UBE2E2: variants seen among roughly 807,000 people sequenced by gnomAD.
UBE2E2 encodes the protein ubiquitin conjugating enzyme E2 E2.
In UBE2E2, 6 loss-of-function variants were observed where a neutral mutation model predicts 24.7. That is an observed-to-expected ratio of 0.24 (90% CI 0.13 to 0.48). The LOEUF (loss-of-function observed/expected upper bound fraction) is 0.48, where lower values mean the gene tolerates loss of function less well. UBE2E2 is among the 20% of genes least tolerant of loss of function. The probability of loss-of-function intolerance (pLI) is 0.99; values close to 1 mark genes in which losing one functional copy is unlikely to be tolerated. For missense variants in UBE2E2, 169 were observed against 245.0 expected, an observed-to-expected ratio of 0.69 and a Z score of 2.07; for synonymous variants, 104 against 83.6, an observed-to-expected ratio of 1.24 and a Z score of -1.33.
intron 3 of UBE2E2, among the ~76,000 whole-genome samples, chr3:23,401,073 G>A (rs1474220644): frequency 6.6e-6 from 1 of 152,164 alleles, no homozygotes; most frequent in East Asian, 1.9e-4. Flanking sequence ...TTCTCAGATG[G>A]TTATATTTAA....
chr3:23,514,287 A>G (rs1008718613), intron 4 of UBE2E2, among the ~76,000 whole-genome samples: 3 of 152,166 alleles, frequency 2.0e-5, no homozygotes, highest in African/African-American at 7.2e-5. Context: ...CGTCAACCTG[A>G]TGGTTTCTTT....
intron 3 of UBE2E2, among the ~76,000 whole-genome samples, chr3:23,300,621 T>C (rs950395255): frequency 6.6e-6 from 1 of 152,252 alleles, no homozygotes; most frequent in Non-Finnish European, 1.5e-5. Flanking sequence ...CCCCACTGTC[T>C]TCTGGCTTGT....
intron 3 of UBE2E2, among the ~76,000 whole-genome samples, chr3:23,405,939 TTCCATTGAGTTTCCCATAA>T (rs1279470847): frequency 1.3e-5 from 2 of 152,186 alleles, no homozygotes; most frequent in Admixed American, 1.3e-4. Context: ...GAATTGACTT[TTCCATTGAGTTTCCCATAA>T]CTAGGGCCAA....
intron 3 of UBE2E2, among the ~76,000 whole-genome samples, chr3:23,436,099 G>T (rs564611089): frequency 4.6e-5 from 7 of 152,198 alleles, no homozygotes; most frequent in Non-Finnish European, 7.4e-5. Context: ...CTCCCCAGCC[G>T]CTCACCTCCT....
At chr3:23,500,262 C>CT (rs1699692439) in intron 4 of UBE2E2, among the ~76,000 whole-genome samples, 1 of 152,110 alleles carries the variant, frequency 6.6e-6, no homozygotes. Flanking sequence ...CCCACAGAGA[C>CT]TTAAAAGTTG....
At chr3:23,289,028 A>T (rs1314145188) in intron 3 of UBE2E2, among the ~76,000 whole-genome samples, 1 of 152,138 alleles carries the variant, frequency 6.6e-6, no homozygotes, top group African/African-American at 2.4e-5. Context: ...TACTGTTACC[A>T]CTCACCTGAT....
At chr3:23,365,304 A>G (rs1222127510) in intron 3 of UBE2E2, among the ~76,000 whole-genome samples, 3 of 152,014 alleles carry the variant, frequency 2.0e-5, no homozygotes, top group African/African-American at 7.2e-5. Context: ...AGCAATGCCA[A>G]GAGGAAGAGA....
At chr3:23,269,751 G>A (rs1471592392) in intron 3 of UBE2E2, among the ~76,000 whole-genome samples, 4 of 152,132 alleles carry the variant, frequency 2.6e-5, no homozygotes, top group Non-Finnish European at 5.9e-5. Context: ...GCTCTTCATG[G>A]GTAGAGTGCA....
chr3:23,543,195 A>G (rs181166014), intron 5 of UBE2E2, among the ~76,000 whole-genome samples: 8 of 152,314 alleles, frequency 5.3e-5, no homozygotes, highest in Middle Eastern at 3.4e-3. Context: ...ACATAGTACC[A>G]GAAGTCCTAG....
At chr3:23,379,683 T>C (rs1202932971) in intron 3 of UBE2E2, among the ~76,000 whole-genome samples, 1 of 152,110 alleles carries the variant, frequency 6.6e-6, no homozygotes, top group African/African-American at 2.4e-5. Flanking sequence ...TATGTATTTA[T>C]TGAGTTCTAA....
At chr3:23,523,832 T>TC (rs2125477506) in intron 4 of UBE2E2, among the ~76,000 whole-genome samples, 1 of 151,938 alleles carries the variant, frequency 6.6e-6, no homozygotes, top group African/African-American at 2.4e-5. Context: ...GGGATTTTTT[T>TC]TTTTTATGTA....
chr3:23,532,242 C>A (rs1695140519), intron 4 of UBE2E2, among the ~76,000 whole-genome samples: 1 of 152,088 alleles, frequency 6.6e-6, no homozygotes, highest in South Asian at 2.1e-4. Flanking sequence ...TCCCCATGAA[C>A]ATTCCTGTAG....
chr3:23,255,397 G>A (rs954958831), intron 3 of UBE2E2, among the ~76,000 whole-genome samples: 6 of 152,070 alleles, frequency 3.9e-5, no homozygotes, highest in South Asian at 2.1e-4. Context: ...CCAGGACAAG[G>A]AGTAATATTT....
chr3:23,265,633 T>C (rs886787365), intron 3 of UBE2E2, among the ~76,000 whole-genome samples: 12 of 152,144 alleles, frequency 7.9e-5, no homozygotes, highest in African/African-American at 2.9e-4. Flanking sequence ...ATGCATGTGG[T>C]TGAGGCCACA....
At chr3:23,215,659 T>C (rs1696456933) in intron 2 of UBE2E2, among the ~76,000 whole-genome samples, 1 of 152,140 alleles carries the variant, frequency 6.6e-6, no homozygotes, top group Non-Finnish European at 1.5e-5. Context: ...CCCATTTGTT[T>C]TGTCTCGCAG....
At chr3:23,305,774 G>C (rs1233507195) in intron 3 of UBE2E2, among the ~76,000 whole-genome samples, 5 of 152,066 alleles carry the variant, frequency 3.3e-5, no homozygotes, top group African/African-American at 1.2e-4. Context: ...CTGTCACCCA[G>C]GTTGGAGTAT....
At chr3:23,586,095 C>A (rs1696619712) in intron 5 of UBE2E2, among the ~76,000 whole-genome samples, 1 of 152,098 alleles carries the variant, frequency 6.6e-6, no homozygotes, top group Non-Finnish European at 1.5e-5. Context: ...AGGATTATTC[C>A]ACTGAGCTGA....
rs1195663105 is a variant in UBE2E2 at position 23,508,369 on chromosome 3, T to C, written c.360+8629T>C. ...ACTTTATTGTAAGCCAAATTAAATATGCCTATAAGCTAATAGGAAATCAGC... is the reference window on the plus strand; with the variant it reads ...ACTTTATTGTAAGCCAAATTAAATACGCCTATAAGCTAATAGGAAATCAGC... On this transcript the variant is annotated intron_variant, in intron 4 of 5. Transcript: ENST00000396703. Among the ~76,000 whole-genome samples the C allele has an allele frequency of 5.3e-5, 8 of 152,246 alleles. No homozygotes were observed. In the East Asian group the frequency reaches 9.6e-4, roughly 18 times the overall value.
chr3:23,577,658 C>CT (rs1257530373), intron 5 of UBE2E2, among the ~76,000 whole-genome samples: 1 of 152,204 alleles, frequency 6.6e-6, no homozygotes, highest in Non-Finnish European at 1.5e-5. Flanking sequence ...GAAGATCTAG[C>CT]TAAGATAATT....
Sources: allele counts gnomAD v4.1 joint callset (sites outside exome capture counted in the v4.1 genomes callset), GRCh38; gene constraint gnomAD v4.1.1; transcripts MANE v1.5; gene names NCBI Gene and HGNC (gene_info 2026-07-23, HGNC 2026-07-21).